NUMA1: variants seen among roughly 807,000 people sequenced by gnomAD.
The protein encoded by NUMA1 is SP-H antigen.
Under a neutral mutation model 237.1 loss-of-function variants are expected in NUMA1, and 62 were observed. The observed-to-expected ratio is 0.26, with a 90% confidence interval of 0.21 to 0.32. The LOEUF (loss-of-function observed/expected upper bound fraction) is 0.32. Ranked by LOEUF, NUMA1 falls within the 10% of genes least tolerant of loss-of-function variation. The pLI is 1.00. For synonymous variants in NUMA1, 1,028 were observed against 1,066.1 expected (o/e 0.96, Z 0.70); for missense variants, 2,533 against 2,666.5 (o/e 0.95, Z 1.10).
At position 72,013,117 on chromosome 11, in the gene NUMA1, C is replaced by T. The variant is rs1451871769; in HGVS notation, c.4386G>A (p.Arg1462=). The stretch of plus-strand genomic sequence containing the variant: ...GGTCCAACTCCACTTCCAGAAACTG[C>T]CGGCCAAGGTTGGCCCGCTCACCCA... The part of the protein sequence containing the change: ...RGLGERANLG[R]QFLEVELDQA... The change falls in exon 15 of 27, where the codon CGG becomes CGA. Residue 1462 remains arginine (R), a synonymous_variant. Transcript: ENST00000393695. The surrounding 1 kb of genome is among the most constrained non-coding windows in gnomAD (Gnocchi z 6.8). 6.2e-7 allele frequency: 1 copy of T among 1,614,090 alleles called. No homozygotes were observed. The highest frequency in any genetic ancestry group is 8.5e-7 in the Non-Finnish European group (1 of 1,180,056).
At chr11:72,032,876 T>C (rs1047162325) in intron 3 of NUMA1, among the ~76,000 whole-genome samples, 1 of 152,256 alleles carries the variant, frequency 6.6e-6, no homozygotes, top group Non-Finnish European at 1.5e-5. Flanking sequence ...TATTTTTATG[T>C]TATAAATTAC....
chr11:72,052,430 A>C (rs1032621796), intron 2 of NUMA1, among the ~76,000 whole-genome samples: 3 of 152,218 alleles, frequency 2.0e-5, no homozygotes, highest in Non-Finnish European at 4.4e-5. Flanking sequence ...TTACAGTTGA[A>C]CAATGGCATG....
At position 72,015,832 on chromosome 11, in the gene NUMA1, G is replaced by A. The variant is rs201184219; in HGVS notation, c.1671C>T (p.Ser557=). ...GCTGCTCCTTCTGCTTCAGGCTACT[G>A]CTTAGCTGCTCCACCTGGTGGCGGA... ...QGLRHQVEQL[S]SSLKQKEQQL... is the part of the protein sequence containing the mutation. The change falls in exon 15 of 27, where the codon AGC becomes AGT. Residue 557 remains serine, a synonymous_variant. Transcript: ENST00000393695. This position sits in a 1 kb window ranked among gnomAD's most constrained non-coding sequence, Gnocchi z 4.0. 3 of 1,614,184 alleles carry A rather than the reference G, an allele frequency of 1.9e-6. No homozygotes were observed. The highest frequency in any genetic ancestry group is 2.2e-5 in the East Asian group (1 of 44,884).
At chr11:72,011,564 C>A (rs190671961) in intron 16 of NUMA1, among the ~76,000 whole-genome samples, 3,382 of 152,298 alleles carry the variant, frequency 0.022, 122 homozygotes, top group African/African-American at 0.078. Context: ...GAGGCAAGGG[C>A]TCCATTGCTA....
At chr11:72,060,183 TAGC>T (rs1405990184) in intron 2 of NUMA1, among the ~76,000 whole-genome samples, 1 of 152,180 alleles carries the variant, frequency 6.6e-6, no homozygotes, top group Non-Finnish European at 1.5e-5. Context: ...GCCTATAAGT[TAGC>T]AGCCCATATT....
At chr11:72,004,939 G>T in intron 23 of NUMA1, 123 bp from the exon 24 acceptor site, 1 of 1,027,958 alleles carries the variant, frequency 9.7e-7, no homozygotes, top group Non-Finnish European at 1.4e-6. Context: ...TGCCTCACGA[G>T]GTAGAAAGAC....
At position 72,018,252 on chromosome 11, in the gene NUMA1, C is replaced by A. The variant is rs1453408346; in HGVS notation, c.909G>T (p.Lys303Asn). 6.2e-7 allele frequency: 1 copy of A among 1,614,212 alleles called. No individual in the cohort carries two copies. Among genetic ancestry groups the A allele is most frequent in the South Asian group, 1.1e-5 (1 of 91,088 alleles). ...HETLKQCQDL[K>N]TEKSQMDRKI... Reference sequence around the variant, plus strand: ...TGCGATCCATCTGGCTCTTCTCTGTCTTCAGGTCCTGGCACTGCTTCAGGG... The same window carrying A: ...TGCGATCCATCTGGCTCTTCTCTGTATTCAGGTCCTGGCACTGCTTCAGGG... The change falls in exon 12 of 27, where the codon AAG becomes AAT. Residue 303 changes from lysine (K) to asparagine (N), a missense_variant. Around this residue, in one of 3 missense-constraint regions of NUMA1, gnomAD observed 1,414 missense variants for 1,508.1 expected, o/e 0.94. Transcript: ENST00000393695.
chr11:72,019,868 G>C (rs1043134628), intron 8 of NUMA1, among the ~76,000 whole-genome samples: 1 of 152,286 alleles, frequency 6.6e-6, no homozygotes, highest in East Asian at 1.9e-4. Flanking sequence ...GAGCACAGTG[G>C]AGTGACGGTG....
chr11:72,014,428 C>T lies in NUMA1; in HGVS notation c.3075G>A (p.Ala1025=), dbSNP rs1289570718. ...RAQADLALEK[A]ARAELEMRLQ... ...GCCGCATCTCAAGCTCTGCTCTGGC[C>T]GCCTTCTCCAGGGCAAGGTCAGCCT... The change falls in exon 15 of 27, where the codon GCG becomes GCA. Residue 1025 remains alanine, a synonymous_variant. Coordinates refer to ENST00000393695, the MANE Select transcript of NUMA1 (RefSeq NM_006185.4). This position sits in a 1 kb window ranked among gnomAD's most constrained non-coding sequence, Gnocchi z 4.6. 1.1e-5 allele frequency: 18 copies of T among 1,607,760 alleles called. No individual in the cohort carries two copies. Among genetic ancestry groups the T allele is most frequent in the African/African-American group, 2.7e-5 (2 of 74,930 alleles).
chr11:72,014,918 T>A lies in NUMA1; in HGVS notation c.2585A>T (p.His862Leu), dbSNP rs765088270. 6.2e-7 allele frequency: 1 copy of A among 1,614,212 alleles called. No individual in the cohort carries two copies. Among genetic ancestry groups the A allele is most frequent in the South Asian group, 1.1e-5 (1 of 91,086 alleles). The change falls in exon 15 of 27, where the codon CAC (histidine) becomes CTC (leucine). Residue 862 changes from histidine (H) to leucine (L), a missense_variant. This residue lies in a region of NUMA1 where 1,414 missense variants were observed against 1,508.1 expected (regional missense o/e 0.94). Coordinates refer to ENST00000393695, the MANE Select transcript of NUMA1 (RefSeq NM_006185.4). The surrounding 1 kb of genome is among the most constrained non-coding windows in gnomAD (Gnocchi z 4.6). Reference sequence around the variant, plus strand: ...CTGCCGGCTTATCTGGAGCTCGCTGTGGGATTCTATGCCTGCCACCTTCTC... The same window carrying A: ...CTGCCGGCTTATCTGGAGCTCGCTGAGGGATTCTATGCCTGCCACCTTCTC... ...AKEKVAGIES[H>L]SELQISRQQN...
chr11:72,006,879 G>A (rs1199362641), intron 21 of NUMA1, among the ~76,000 whole-genome samples: 3 of 152,254 alleles, frequency 2.0e-5, no homozygotes, highest in East Asian at 1.9e-4. Flanking sequence ...GCTGCATGGG[G>A]CATGCTGGGA....
chr11:72,019,445 A>C, intron 9 of NUMA1, 49 bp downstream of exon 9: 1 of 1,598,816 alleles, frequency 6.3e-7, no homozygotes, highest in Non-Finnish European at 8.5e-7. Context: ...AATGTGAGGA[A>C]TGGATGGATG....
chr11:72,060,887 T>C (rs556421944), intron 2 of NUMA1, among the ~76,000 whole-genome samples: 18 of 151,998 alleles, frequency 1.2e-4, no homozygotes, highest in East Asian at 7.8e-4. Flanking sequence ...CTGGCCAACA[T>C]GGTGAAACCC....
In NUMA1 at chr11:72,028,757, A is replaced by G. The variant is rs554783523; in HGVS notation, c.128+448T>C. Among the ~76,000 whole-genome samples, 4 of 152,344 alleles carry G rather than the reference A, an allele frequency of 2.6e-5. No homozygotes were observed. In the South Asian group the frequency reaches 8.3e-4, roughly 32 times the overall value. On this transcript the variant is annotated intron_variant, in intron 4 of 26. Transcript: ENST00000393695. Reference sequence around the variant, plus strand: ...TCTGTACTGTGCTAACAAGTTAGAGATGAGATTTCTAGGTGTTTCTTCTTT... The same window carrying G: ...TCTGTACTGTGCTAACAAGTTAGAGGTGAGATTTCTAGGTGTTTCTTCTTT...
intron 3 of NUMA1, among the ~76,000 whole-genome samples, chr11:72,034,466 T>C (rs1485505788): frequency 6.6e-6 from 1 of 151,520 alleles, no homozygotes; most frequent in African/African-American, 2.4e-5. Context: ...CCCAGCACTT[T>C]GGGAGGTCAA....
Position 72,078,495 on chromosome 11 carries a change from G to C in NUMA1, c.-103+1963C>G, listed in dbSNP as rs561823690. ...AGCTCTGTTCAGCCACCTGAGCAGG[G>C]CTTTGCCCTCATCCTAAAAGTTCTA... On this transcript the variant is annotated intron_variant, in intron 1 of 26. Coordinates refer to ENST00000393695, the MANE Select transcript of NUMA1 (RefSeq NM_006185.4). Among the ~76,000 whole-genome samples, 23 of 152,372 alleles carry C rather than the reference G, an allele frequency of 1.5e-4. No homozygotes were observed. In the East Asian group the frequency reaches 4.2e-3, roughly 28 times the overall value.
Position 72,006,372 on chromosome 11 carries a change from A to G in NUMA1, c.5464-109T>C, listed in dbSNP as rs1955699842. ...CCCACGGCACATCCATGTATTCCCAACTGCTTTGCAAAGGTCCTTAAAGTG... is the reference window on the plus strand; with the variant it reads ...CCCACGGCACATCCATGTATTCCCAGCTGCTTTGCAAAGGTCCTTAAAGTG... On this transcript the variant is annotated intron_variant, in intron 21 of 26. Coordinates refer to ENST00000393695, the MANE Select transcript of NUMA1 (RefSeq NM_006185.4). 5.6e-6 allele frequency: 5 copies of G among 893,044 alleles called. No individual in the cohort carries two copies. In the East Asian group the frequency reaches 1.1e-4, roughly 19 times the overall value. 55.3% of individuals were successfully genotyped at this position (893,044 alleles called of 1,614,324 possible).
Position 72,018,932 on chromosome 11 carries a change from G to A in NUMA1, c.633C>T (p.Thr211=), listed in dbSNP as rs750892814. The part of the protein sequence containing the change: ...PASPMGDILQ[T]PQFQMRRLKK... The stretch of plus-strand genomic sequence containing the variant: ...TCAGCCGTCTCATCTGGAACTGTGG[G>A]GTCTGCAGGATATCACCCATGGGAG... Residue 211 remains threonine, a synonymous_variant, in exon 10 of 27, where the codon ACC becomes ACT. Coordinates refer to ENST00000393695, the MANE Select transcript of NUMA1 (RefSeq NM_006185.4). 1.2e-6 allele frequency: 2 copies of A among 1,614,032 alleles called. No individual in the cohort carries two copies. The highest frequency in any genetic ancestry group is 1.7e-5 in the Admixed American group (1 of 60,010).
rs988268579 is a variant in NUMA1 at position 72,044,926 on chromosome 11, A to T, written c.-32-8951T>A. On this transcript the variant is annotated intron_variant, in intron 2 of 26. Transcript: ENST00000393695. Reference sequence around the variant, plus strand: ...CGTGATCCGCCTGCCTCAGGCTCCCAAGTGCTGGATTACAGGTGTGAGCCA... The same window carrying T: ...CGTGATCCGCCTGCCTCAGGCTCCCTAGTGCTGGATTACAGGTGTGAGCCA... Among the ~76,000 whole-genome samples the T allele has an allele frequency of 5.3e-5, 8 of 152,022 alleles. No homozygotes were observed. The South Asian group carries it at 1.5e-3, about 28-fold the overall frequency.
Sources: allele counts gnomAD v4.1 joint callset (sites outside exome capture counted in the v4.1 genomes callset), GRCh38; gene constraint gnomAD v4.1.1; regional missense constraint gnomAD v4.1.1; non-coding constraint Gnocchi (gnomAD v3.1); transcripts MANE v1.5; gene names NCBI Gene and HGNC (gene_info 2026-07-23, HGNC 2026-07-21).